CERS1: variants seen among roughly 807,000 people sequenced by gnomAD.
CERS1 encodes Embryonic growth/differentiation factor 1.
A neutral mutation model predicts 35.7 loss-of-function variants in CERS1; 16 were observed. The observed-to-expected ratio is 0.45, with a 90% CI of 0.30 to 0.68. The LOEUF (loss-of-function observed/expected upper bound fraction) is 0.68, where lower values mean the gene tolerates loss of function less well. CERS1 is among the 30% of genes least tolerant of loss of function. The pLI is 0.08. For synonymous variants in CERS1, 243 were observed against 201.6 expected (o/e 1.21, Z -1.74); for missense variants, 454 against 453.9 (o/e 1.00, Z 0.00).
At chr19:18,880,481 G>GA (rs772743666) in intron 3 of CERS1, 46 bp from the exon 4 acceptor site, 4 of 1,520,600 alleles carry the variant, frequency 2.6e-6, no homozygotes, top group Non-Finnish European at 1.8e-6. Context: ...CACATTGGGG[G>GA]ACCTCCACTC....
At position 18,893,409 on chromosome 19, in the gene CERS1, C is replaced by A. The variant is rs368913904; in HGVS notation, c.409+7G>T. On this transcript the variant is annotated splice_region_variant and intron_variant, in intron 2 of 7. Transcript: ENST00000623882. ...AGCCCTCCCGGCCATCCCCTCAGGG[C>A]CCCTACCGTAGAAGACAGATGGTGG... 17 of 1,598,480 alleles carry A rather than the reference C, an allele frequency of 1.1e-5. No homozygotes were observed. Among genetic ancestry groups the A allele is most frequent in the Admixed American group, 3.5e-5 (2 of 57,626 alleles).
chr19:18,893,188 C>T (rs2056537650), intron 2 of CERS1, among the ~76,000 whole-genome samples: 1 of 152,052 alleles, frequency 6.6e-6, no homozygotes, highest in Non-Finnish European at 1.5e-5. Flanking sequence ...GCTGGGATTA[C>T]AGGCGTGAGC....
At chr19:18,875,233 C>CT (rs1453093392) in intron 6 of CERS1, among the ~76,000 whole-genome samples, 1 of 140,846 alleles carries the variant, frequency 7.1e-6, no homozygotes, top group Non-Finnish European at 1.5e-5. Flanking sequence ...GGGACCGTCT[C>CT]TAAAAAAAAA....
At chr19:18,884,289 A>G in intron 2 of CERS1, 22 bp from the exon 3 acceptor site, 1 of 1,600,116 alleles carries the variant, frequency 6.2e-7, no homozygotes. Flanking sequence ...CAAATCTCAC[A>G]GTCAGGGCCC....
In CERS1 at chr19:18,878,697, TCGCCCTGCCTGC is replaced by T. The variant is rs2056112778; in HGVS notation, c.1010+221_1010+232del. ...GTCCCTACCGCTGAGACCCTGCCTG[TCGCCCTGCCTGC>T]CCCTCCCCAGCCTCTCCCTCCCCTT... is the stretch of plus-strand genomic sequence containing the variant. On this transcript the variant is annotated intron_variant, in intron 6 of 7. Coordinates refer to ENST00000623882, the MANE Select transcript of CERS1 (RefSeq NM_021267.5). The surrounding 1 kb of genome is among the most constrained non-coding windows in gnomAD (Gnocchi z 4.6). 19 of 1,360,266 alleles carry T rather than the reference TCGCCCTGCCTGC, an allele frequency of 1.4e-5. No homozygotes were observed. Among genetic ancestry groups the T allele is most frequent in the Non-Finnish European group, 1.5e-5 (16 of 1,052,454 alleles). The allele number at this position is 1,360,266 out of a possible 1,614,324, so 84.3% of individuals were successfully genotyped here. A position where few individuals can be genotyped will look rare whatever the true frequency, so the allele number is the denominator to read the frequency against.
intron 2 of CERS1, among the ~76,000 whole-genome samples, chr19:18,887,676 G>A (rs942978526): frequency 2.0e-5 from 3 of 149,682 alleles, no homozygotes; most frequent in Non-Finnish European, 3.0e-5. Context: ...CCCGGGAGGC[G>A]GAGGTTGTGG....
Position 18,869,399 on chromosome 19 carries a change from G to T in CERS1, c.*595-9C>A. The T allele has an allele frequency of 6.5e-7, 1 of 1,528,406 alleles. No individual in the cohort carries two copies. Among genetic ancestry groups the T allele is most frequent in the Non-Finnish European group, 8.7e-7 (1 of 1,144,212 alleles). The allele number at this position is 1,528,406 out of a possible 1,614,324, so 94.7% of individuals were successfully genotyped here. On this transcript the variant is annotated splice_polypyrimidine_tract_variant and intron_variant, in intron 7 of 7. Transcript: ENST00000623882. ...GGCCCGGGTGGGCGCACCTGGGGAG[G>T]TAGGAACAGGAACTCGGCTCGCGCT...
Position 18,869,129 on chromosome 19 carries a change from G to C in CERS1, c.*856C>G, listed in dbSNP as rs900553253. ...AGCCCAAGCGGCGCCCAGCAGCTCC[G>C]CGCGCACTGGCGGCCCCAGGGCGGG... On this transcript the variant is annotated 3_prime_UTR_variant, in exon 8 of 8. Coordinates refer to ENST00000623882, the MANE Select transcript of CERS1 (RefSeq NM_021267.5). 128 of 1,097,836 alleles carry C rather than the reference G, an allele frequency of 1.2e-4. No individual in the cohort carries two copies. Among genetic ancestry groups the C allele is most frequent in the Non-Finnish European group, 1.2e-4 (108 of 901,478 alleles). The allele number at this position is 1,097,836 out of a possible 1,614,324, so 68.0% of individuals were successfully genotyped here.
intron 2 of CERS1, among the ~76,000 whole-genome samples, chr19:18,888,888 T>TC (rs1250368669): frequency 5.5e-5 from 8 of 146,130 alleles, no homozygotes; most frequent in Non-Finnish European, 1.1e-4. Context: ...TTTCTTTCTT[T>TC]CTTTTTTTTT....
At chr19:18,886,595 G>T (rs965305639) in intron 2 of CERS1, among the ~76,000 whole-genome samples, 2 of 152,048 alleles carry the variant, frequency 1.3e-5, no homozygotes, top group Admixed American at 6.6e-5. Context: ...AAAAAAGGCG[G>T]GAAGCCATGC....
chr19:18,881,605 G>T (rs1195957440), intron 3 of CERS1: 1 of 152,174 alleles, frequency 6.6e-6, no homozygotes, highest in Non-Finnish European at 1.5e-5. Context: ...GAGGGTCCTG[G>T]ATTCACCCTG....
At chr19:18,882,208 A>G (rs2056228519) in intron 3 of CERS1, 1 of 154,404 alleles carries the variant, frequency 6.5e-6, no homozygotes. Flanking sequence ...TGAATTATAG[A>G]ACTTTCTAGA....
In CERS1 at chr19:18,895,898, C is replaced by T; in HGVS notation, c.175G>A (p.Glu59Lys). The change falls in exon 1 of 8, where the codon GAG becomes AAG. Residue 59 changes from glutamate (E) to lysine (K), a missense_variant. Coordinates refer to ENST00000623882, the MANE Select transcript of CERS1 (RefSeq NM_021267.5). This position sits in a 1 kb window ranked among gnomAD's most constrained non-coding sequence, Gnocchi z 6.4. Reference sequence around the variant, plus strand: ...GCGCCGAGCGCCAGCAGCAGCAGCTCGGGCGGCGCCAGGTGCGCGTGCTCA... The same window carrying T: ...GCGCCGAGCGCCAGCAGCAGCAGCTTGGGCGGCGCCAGGTGCGCGTGCTCA... ...LAEHAHLAPPELLLLALGALG... is the reference protein window; with the variant it reads ...LAEHAHLAPPKLLLLALGALG... 8 of 1,260,426 alleles carry T rather than the reference C, an allele frequency of 6.3e-6. No homozygotes were observed. The highest frequency in any genetic ancestry group is 2.2e-5 in the South Asian group (1 of 44,728). 78.1% of individuals were successfully genotyped at this position (1,260,426 alleles called of 1,614,324 possible).
chr19:18,887,590 C>G (rs1375390035), intron 2 of CERS1, among the ~76,000 whole-genome samples: 1 of 151,704 alleles, frequency 6.6e-6, no homozygotes, highest in East Asian at 1.9e-4. Flanking sequence ...ACTAAAAATA[C>G]AAAAATTAGC....
chr19:18,892,032 T>C (rs972209819), intron 2 of CERS1, among the ~76,000 whole-genome samples: 18 of 152,030 alleles, frequency 1.2e-4, no homozygotes, highest in Non-Finnish European at 5.9e-5. Flanking sequence ...TAGCTGAGAT[T>C]ACAGGCACGC....
Position 18,868,651 on chromosome 19 carries a change from G to C in CERS1, c.*1334C>G. ...TGTCCTCATACTGCCGCAGCACCAC[G>C]TTGTCGCTGTTGTCAAAGAAGAGCA... is the stretch of plus-strand genomic sequence containing the variant. On this transcript the variant is annotated 3_prime_UTR_variant, in exon 8 of 8. Coordinates refer to ENST00000623882, the MANE Select transcript of CERS1 (RefSeq NM_021267.5). The C allele has an allele frequency of 6.4e-7, 1 of 1,574,800 alleles. No individual in the cohort carries two copies. Among genetic ancestry groups the C allele is most frequent in the Non-Finnish European group, 8.6e-7 (1 of 1,160,214 alleles).
rs914382091 is a variant in CERS1, at chr19:18,895,169, C to A, written c.249+655G>T. Among the ~76,000 whole-genome samples, 6 of 152,252 alleles carry A rather than the reference C, an allele frequency of 3.9e-5. No individual in the cohort carries two copies. On this transcript the variant is annotated intron_variant, in intron 1 of 7. Coordinates refer to ENST00000623882, the MANE Select transcript of CERS1 (RefSeq NM_021267.5). The surrounding 1 kb of genome is among the most constrained non-coding windows in gnomAD (Gnocchi z 6.4). ...CACTGGCGTGGCCAGAGCACCCAGGCCCTTGCCATCCCTGGTCGGAGGGTG... is the reference window on the plus strand; with the variant it reads ...CACTGGCGTGGCCAGAGCACCCAGGACCTTGCCATCCCTGGTCGGAGGGTG...
intron 6 of CERS1, among the ~76,000 whole-genome samples, chr19:18,877,609 C>T (rs2056082162): frequency 6.6e-6 from 1 of 151,952 alleles, no homozygotes. Flanking sequence ...AAAGTTAGCA[C>T]AGCATGGTGG....
intron 2 of CERS1, among the ~76,000 whole-genome samples, chr19:18,888,066 A>G (rs533060068): frequency 7.2e-5 from 11 of 152,320 alleles, no homozygotes; most frequent in African/African-American, 2.4e-4. Context: ...TTTTACCTCA[A>G]TAAGAAATGG....
Sources: allele counts gnomAD v4.1 joint callset (sites outside exome capture counted in the v4.1 genomes callset), GRCh38; gene constraint gnomAD v4.1.1; non-coding constraint Gnocchi (gnomAD v3.1); transcripts MANE v1.5; gene names NCBI Gene and HGNC (gene_info 2026-07-23, HGNC 2026-07-21).